ARHGAP26: variants seen among roughly 807,000 people sequenced by gnomAD.
ARHGAP26 encodes Rho GTPase activating protein 26.
A neutral mutation model predicts 104.8 loss-of-function variants in ARHGAP26; 38 were observed. The ratio of observed to expected loss-of-function variants is 0.36; its 90% CI spans 0.28 to 0.48. The LOEUF (loss-of-function observed/expected upper bound fraction) is 0.48, where lower values mean the gene tolerates loss of function less well. Among genes scored for constraint, ARHGAP26 ranks in the 20% least tolerant of loss-of-function variants. The probability of loss-of-function intolerance (pLI) is 0.99; values close to 1 mark genes in which losing one functional copy is unlikely to be tolerated. For missense variants in ARHGAP26, 704 were observed against 947.9 expected (o/e 0.74, Z 3.38); for synonymous variants, 341 against 340.0 (o/e 1.00, Z -0.03).
At chr5:143,218,949 A>C (rs1810767138) in intron 22 of ARHGAP26, among the ~76,000 whole-genome samples, 1 of 152,248 alleles carries the variant, frequency 6.6e-6, no homozygotes, top group Non-Finnish European at 1.5e-5. Flanking sequence ...TCACAGCCAC[A>C]GTTTTTCATC....
At chr5:142,963,223 CGTGT>C (rs1171707902) in intron 11 of ARHGAP26, among the ~76,000 whole-genome samples, 2 of 66,996 alleles carry the variant, frequency 3.0e-5, no homozygotes, top group South Asian at 6.0e-4. Flanking sequence ...TGTGTGTGCG[CGTGT>C]GTGTGTGTAC....
chr5:143,196,616 A>G (rs113369455), intron 20 of ARHGAP26, among the ~76,000 whole-genome samples: 129 of 152,310 alleles, frequency 8.5e-4, no homozygotes, highest in African/African-American at 2.9e-3. Flanking sequence ...CATTTTCTCT[A>G]TAAGGCACAT....
At chr5:143,214,796 C>G (rs1237367764) in intron 22 of ARHGAP26, among the ~76,000 whole-genome samples, 1 of 152,244 alleles carries the variant, frequency 6.6e-6, no homozygotes, top group Non-Finnish European at 1.5e-5. Context: ...ACACTCAACC[C>G]TTGGCCTTCT....
chr5:143,008,952 G>T (rs1028427956), intron 11 of ARHGAP26, among the ~76,000 whole-genome samples: 1 of 152,144 alleles, frequency 6.6e-6, no homozygotes, highest in African/African-American at 2.4e-5. Flanking sequence ...TCTTGGTGCA[G>T]AGGAAGCATA....
intron 17 of ARHGAP26, among the ~76,000 whole-genome samples, chr5:143,117,046 C>T (rs935326443): frequency 6.6e-6 from 1 of 152,190 alleles, no homozygotes; most frequent in Non-Finnish European, 1.5e-5. Context: ...TCAAAAGACG[C>T]CACAGCAGAG....
chr5:143,161,419 G>A (rs1027570287), intron 20 of ARHGAP26, among the ~76,000 whole-genome samples: 1 of 152,094 alleles, frequency 6.6e-6, no homozygotes, highest in African/African-American at 2.4e-5. Context: ...AACCAACATT[G>A]TGAAATGTAA....
chr5:142,915,755 C>T lies in ARHGAP26; in HGVS notation c.1028+2462C>T, dbSNP rs553308372. 5 of 152,342 alleles carry T rather than the reference C, an allele frequency of 3.3e-5. No individual in the cohort carries two copies. In the East Asian group the frequency reaches 9.6e-4, roughly 29 times the overall value. 9.4% of individuals were successfully genotyped at this position (152,342 alleles called of 1,614,324 possible). A position where few individuals can be genotyped will look rare whatever the true frequency, so the allele number is the denominator to read the frequency against. On this transcript the variant is annotated intron_variant, in intron 10 of 22. Transcript: ENST00000645722. ...AGATCCCAAAGATTAGGTTACAATA[C>T]AGCAGGATTTTCCTCCTTTCTCCTT...
chr5:142,860,788 A>G (rs1395806165), intron 1 of ARHGAP26, among the ~76,000 whole-genome samples: 2 of 152,172 alleles, frequency 1.3e-5, no homozygotes, highest in African/African-American at 2.4e-5. Context: ...GATTTAGAAG[A>G]TCCGGCTTGC....
chr5:142,963,192 A>ATGTGTGTGTGTGTGTG lies in ARHGAP26; in HGVS notation c.1107+31068_1107+31069insGTGTGTGTGTGTGTGT, dbSNP rs1226879690. On this transcript the variant is annotated intron_variant, in intron 11 of 22. Coordinates refer to ENST00000645722, the MANE Select transcript of ARHGAP26 (RefSeq NM_001135608.3). ...TATATGTATATATATATATATATAT[A>ATGTGTGTGTGTGTGTG]TATATATGTGTGTGTGTGTGTGTGT... Among the ~76,000 whole-genome samples, 5 of 104,372 alleles carry ATGTGTGTGTGTGTGTG rather than the reference A, an allele frequency of 4.8e-5. No individual in the cohort carries two copies. The East Asian group carries it at 1.7e-3, about 36-fold the overall frequency. The allele number at this position is 104,372 out of a possible 152,430, so 68.5% of individuals were successfully genotyped here. A position where few individuals can be genotyped will look rare whatever the true frequency, so the allele number is the denominator to read the frequency against.
intron 17 of ARHGAP26, among the ~76,000 whole-genome samples, chr5:143,059,182 C>T (rs886656966): frequency 1.3e-5 from 2 of 152,186 alleles, no homozygotes; most frequent in Admixed American, 6.5e-5. Flanking sequence ...ATAGAAGGTT[C>T]CAGGTGCACC....
rs1197199203 is a variant in ARHGAP26 at position 143,225,209 on chromosome 5, A to G, written c.*2763A>G. 1.6e-5 allele frequency: 3 copies of G among 192,772 alleles called. No homozygotes were observed. The East Asian group carries it at 2.4e-4, about 16-fold the overall frequency. 11.9% of individuals were successfully genotyped at this position (192,772 alleles called of 1,614,324 possible). On this transcript the variant is annotated 3_prime_UTR_variant, in exon 23 of 23. Transcript: ENST00000645722. ...TTTGTGTTTTTGTTTGTTTTTTGAGATGGAGTCTCACTCTGTGGCCCAGGC... is the reference window on the plus strand; with the variant it reads ...TTTGTGTTTTTGTTTGTTTTTTGAGGTGGAGTCTCACTCTGTGGCCCAGGC...
chr5:143,107,965 T>G (rs1397669127), intron 17 of ARHGAP26, among the ~76,000 whole-genome samples: 1 of 152,236 alleles, frequency 6.6e-6, no homozygotes, highest in Admixed American at 6.5e-5. Flanking sequence ...TTTTTGTGAT[T>G]AAGGCAATAA....
chr5:142,936,713 G>A (rs948129197), intron 11 of ARHGAP26, among the ~76,000 whole-genome samples: 10 of 151,876 alleles, frequency 6.6e-5, no homozygotes, highest in Non-Finnish European at 1.5e-4. Flanking sequence ...CCCAGAAATA[G>A]ACTCACACAA....
intron 19 of ARHGAP26, among the ~76,000 whole-genome samples, chr5:143,135,449 T>A (rs1360311721): frequency 6.6e-6 from 1 of 152,196 alleles, no homozygotes; most frequent in African/African-American, 2.4e-5. Context: ...GACAGTGAGC[T>A]ACTTTGCCTT....
chr5:143,038,945 C>T (rs559409344), intron 13 of ARHGAP26, among the ~76,000 whole-genome samples: 120 of 152,112 alleles, frequency 7.9e-4, no homozygotes, highest in African/African-American at 2.5e-3. Context: ...CCACCCACCT[C>T]GGTCTCCCAA....
chr5:143,196,065 A>G (rs1806781013), intron 20 of ARHGAP26, among the ~76,000 whole-genome samples: 1 of 152,170 alleles, frequency 6.6e-6, no homozygotes, highest in Non-Finnish European at 1.5e-5. Context: ...ATGTTTTAAG[A>G]TAGGCTTGAA....
intron 10 of ARHGAP26, among the ~76,000 whole-genome samples, chr5:142,927,135 G>A (rs1313799173): frequency 6.6e-6 from 1 of 152,096 alleles, no homozygotes; most frequent in African/African-American, 2.4e-5. Context: ...TTGATGAGAA[G>A]TCATAGCTCT....
chr5:143,024,791 G>C (rs1003315093), intron 12 of ARHGAP26, among the ~76,000 whole-genome samples: 1 of 152,206 alleles, frequency 6.6e-6, no homozygotes, highest in Non-Finnish European at 1.5e-5. Context: ...AGAGTTGTCA[G>C]AGCCTGCAGC....
chr5:143,055,397 A>G (rs1160869412), intron 15 of ARHGAP26, among the ~76,000 whole-genome samples: 1 of 152,258 alleles, frequency 6.6e-6, no homozygotes, highest in Non-Finnish European at 1.5e-5. Flanking sequence ...AGTCGAATTA[A>G]GGGACCCAAT....
Sources: gnomAD v4.1 joint callset for allele counts (sites outside exome capture counted in the v4.1 genomes callset) on GRCh38, gnomAD v4.1.1 for gene constraint, MANE v1.5 for transcripts, NCBI Gene and HGNC (gene_info 2026-07-23, HGNC 2026-07-21) for gene names.